Variants in FRMD4A observed in about 807,000 individuals in gnomAD.
FRMD4A encodes FERM domain-containing protein 4A.
In FRMD4A, 29 loss-of-function variants were observed where a neutral mutation model predicts 129.1. That is an observed-to-expected ratio of 0.22 (90% CI 0.17 to 0.31). The LOEUF (loss-of-function observed/expected upper bound fraction) is 0.31, where lower values mean the gene tolerates loss of function less well. Among genes scored for constraint, FRMD4A ranks in the 10% least tolerant of loss-of-function variants. The pLI is 1.00. For synonymous variants in FRMD4A, 634 were observed against 571.6 expected, an observed-to-expected ratio of 1.11 and a Z score of -1.56; for missense variants, 1,272 against 1,375.8, an observed-to-expected ratio of 0.92 and a Z score of 1.19.
At chr10:14,128,440 C>T (rs1225403375) in intron 2 of FRMD4A, among the ~76,000 whole-genome samples, 1 of 152,126 alleles carries the variant, frequency 6.6e-6, no homozygotes, top group East Asian at 1.9e-4. Flanking sequence ...TATAAGTACA[C>T]ATGGTCTCCC....
chr10:13,729,846 A>T (rs2090202133), intron 12 of FRMD4A, among the ~76,000 whole-genome samples: 1 of 152,168 alleles, frequency 6.6e-6, no homozygotes, highest in Non-Finnish European at 1.5e-5. Flanking sequence ...ATTTCTTCCC[A>T]GGGGGGAGAT....
At chr10:14,269,131 G>T (rs561167144) in intron 2 of FRMD4A, among the ~76,000 whole-genome samples, 6 of 152,192 alleles carry the variant, frequency 3.9e-5, no homozygotes, top group Admixed American at 6.5e-5. Context: ...GTGGGATGGG[G>T]TGGTGGCTAT....
At chr10:13,847,415 T>C (rs538964390) in intron 3 of FRMD4A, among the ~76,000 whole-genome samples, 6 of 152,114 alleles carry the variant, frequency 3.9e-5, no homozygotes, top group African/African-American at 1.2e-4. Context: ...GCAGCTGAGA[T>C]TTCCCCAGAC....
intron 2 of FRMD4A, among the ~76,000 whole-genome samples, chr10:13,867,422 G>A (rs1415981768): frequency 6.6e-6 from 1 of 150,440 alleles, no homozygotes; most frequent in Non-Finnish European, 1.5e-5. Flanking sequence ...CTCCACACAG[G>A]GTTAATTTTT....
At chr10:14,049,534 G>A (rs941962791) in intron 2 of FRMD4A, among the ~76,000 whole-genome samples, 42 of 152,288 alleles carry the variant, frequency 2.8e-4, no homozygotes, top group South Asian at 6.2e-4. Context: ...TCATAATGTC[G>A]TAAAGTAAAT....
intron 2 of FRMD4A, among the ~76,000 whole-genome samples, chr10:14,092,839 A>G (rs771264973): frequency 3.9e-5 from 6 of 152,214 alleles, no homozygotes; most frequent in African/African-American, 7.2e-5. Context: ...CCACAGCAAG[A>G]TAGGACTAGA....
In FRMD4A at chr10:14,184,363, G is replaced by C. The variant is rs1589138672; in HGVS notation, c.45+145695C>G. On this transcript the variant is annotated intron_variant, in intron 2 of 24. Transcript: ENST00000357447. Reference sequence around the variant, plus strand: ...TTGGCCAGGCTGGTCTCGAACTCCTGACCCAAAGTGCTGGGATGGATTACA... The same window carrying C: ...TTGGCCAGGCTGGTCTCGAACTCCTCACCCAAAGTGCTGGGATGGATTACA... Among the ~76,000 whole-genome samples the C allele has an allele frequency of 8.2e-5, 12 of 146,458 alleles. No homozygotes were observed. In the South Asian group the frequency reaches 2.6e-3, roughly 32 times the overall value.
chr10:14,003,114 G>A (rs866059612), intron 2 of FRMD4A, among the ~76,000 whole-genome samples: 5 of 152,106 alleles, frequency 3.3e-5, no homozygotes, highest in Admixed American at 6.5e-5. Context: ...AGCACAGAGC[G>A]TGAATTGAGG....
intron 2 of FRMD4A, among the ~76,000 whole-genome samples, chr10:14,266,427 T>A (rs978856128): frequency 6.6e-6 from 1 of 152,162 alleles, no homozygotes; most frequent in Non-Finnish European, 1.5e-5. Flanking sequence ...TACAGTGCCA[T>A]TGAACTACTA....
chr10:14,327,519 A>G (rs972471105), intron 2 of FRMD4A, among the ~76,000 whole-genome samples: 5 of 152,208 alleles, frequency 3.3e-5, no homozygotes, highest in Admixed American at 6.5e-5. Context: ...TCCCAGGATC[A>G]CTCAATGAGT....
rs59708002 is a variant in FRMD4A, at chr10:14,231,365, C to A, written c.45+98693G>T. On this transcript the variant is annotated intron_variant, in intron 2 of 24. Transcript: ENST00000357447. ...ATTGTGGTTTTTTTTTTTTTTGAGA[C>A]GGAGTCTTGCTCTGTCACCCAGGCT... is the stretch of plus-strand genomic sequence containing the variant. 6.2e-3 allele frequency among the ~76,000 whole-genome samples: 897 copies of A among 144,008 alleles called. 6 individuals are homozygous for A. The highest frequency in any genetic ancestry group is 0.022 in the African/African-American group (872 of 38,846). The allele number at this position is 144,008 out of a possible 152,430, so 94.5% of individuals were successfully genotyped here.
At chr10:13,922,886 T>C (rs2610809) in intron 2 of FRMD4A, among the ~76,000 whole-genome samples, 136,817 of 152,292 alleles carry the variant, frequency 0.9, 61,761 homozygotes, top group East Asian at 1. Flanking sequence ...AGTAATTGTC[T>C]GCAATAAATA....
intron 5 of FRMD4A, among the ~76,000 whole-genome samples, chr10:13,785,477 C>T (rs563265616): frequency 1.1e-4 from 16 of 152,080 alleles, no homozygotes; most frequent in Admixed American, 2.0e-4. Context: ...GTCTCAGAGG[C>T]ACAGTAAAGT....
chr10:14,149,613 T>G (rs1167892337), intron 2 of FRMD4A, among the ~76,000 whole-genome samples: 1 of 152,108 alleles, frequency 6.6e-6, no homozygotes, highest in African/African-American at 2.4e-5. Context: ...CAAGTGATCC[T>G]CCTGCCTCAG....
chr10:13,931,304 G>T (rs1052840221), intron 2 of FRMD4A, among the ~76,000 whole-genome samples: 1 of 152,116 alleles, frequency 6.6e-6, no homozygotes, highest in Admixed American at 6.5e-5. Context: ...CCAGCTCTAG[G>T]GCTGTTATGT....
chr10:13,991,042 C>A (rs946498176), intron 2 of FRMD4A, among the ~76,000 whole-genome samples: 1 of 152,142 alleles, frequency 6.6e-6, no homozygotes, highest in Non-Finnish European at 1.5e-5. Context: ...GAACAATTAT[C>A]CTGAAGCTGC....
At chr10:14,230,805 G>T (rs1843613724) in intron 2 of FRMD4A, among the ~76,000 whole-genome samples, 1 of 152,050 alleles carries the variant, frequency 6.6e-6, no homozygotes, top group African/African-American at 2.4e-5. Flanking sequence ...TCAAGCAGGC[G>T]CTGGTGTCTG....
At position 14,005,458 on chromosome 10, in the gene FRMD4A, G is replaced by T. The variant is rs527365841; in HGVS notation, c.46-146546C>A. Among the ~76,000 whole-genome samples the T allele has an allele frequency of 2.9e-3, 441 of 152,326 alleles. 5 individuals are homozygous for T. The highest frequency in any genetic ancestry group is 0.01 in the African/African-American group (423 of 41,574). On this transcript the variant is annotated intron_variant, in intron 2 of 24. Coordinates refer to ENST00000357447, the MANE Select transcript of FRMD4A (RefSeq NM_018027.5). ...GTCTAAGTTGCAGGGTTAAGAAGTTGCAGTTCCTTCTTTCAACTCAACCTC... is the reference window on the plus strand; with the variant it reads ...GTCTAAGTTGCAGGGTTAAGAAGTTTCAGTTCCTTCTTTCAACTCAACCTC...
At chr10:14,081,046 G>A (rs567469810) in intron 2 of FRMD4A, among the ~76,000 whole-genome samples, 1 of 152,158 alleles carries the variant, frequency 6.6e-6, no homozygotes, top group African/African-American at 2.4e-5. Context: ...GATTACTCAG[G>A]TTGTAATAAT....
Sources: allele counts gnomAD v4.1 joint callset (sites outside exome capture counted in the v4.1 genomes callset), GRCh38; gene constraint gnomAD v4.1.1; transcripts MANE v1.5; gene names NCBI Gene and HGNC (gene_info 2026-07-23, HGNC 2026-07-21).